Variants in KDM4B observed in about 807,000 individuals in gnomAD.
KDM4B encodes the protein lysine demethylase 4B.
A neutral mutation model predicts 125.2 loss-of-function variants in KDM4B; 32 were observed. The observed-to-expected ratio is 0.26, with a 90% CI of 0.19 to 0.34. The LOEUF is 0.34. KDM4B is among the 10% of genes least tolerant of loss of function. The probability of loss-of-function intolerance (pLI) is 1.00; values close to 1 mark genes in which losing one functional copy is unlikely to be tolerated. For synonymous variants in KDM4B, 721 were observed against 677.9 expected, an observed-to-expected ratio of 1.06 and a Z score of -0.99; for missense variants, 1,190 against 1,577.7, an observed-to-expected ratio of 0.75 and a Z score of 4.16.
Position 5,138,002 on chromosome 19 carries a change from C to T in KDM4B, c.2482C>T (p.Arg828Cys), listed in dbSNP as rs752309644. The T allele has an allele frequency of 2.9e-5, 47 of 1,612,632 alleles. No individual in the cohort carries two copies. The highest frequency in any genetic ancestry group is 1.6e-4 in the Middle Eastern group (1 of 6,082). ...CTGTGCCATCGCAGTCCCCGAGGCG[C>T]GCTTCCTGAACGTGATTGAGCGCCA... ...VICAIAVPEA[R>C]FLNVIERHPV... The change falls in exon 18 of 23, where the codon CGC becomes TGC. Residue 828 changes from arginine (R) to cysteine (C), a missense_variant. Physicochemically the swap from Arg to Cys is radical, Grantham distance 180 (BLOSUM62 -3). This residue lies in a region of KDM4B where 298 missense variants were observed against 439.7 expected (regional missense o/e 0.68). Transcript: ENST00000159111.
At chr19:5,133,122 A>T (rs1383301659) in intron 13 of KDM4B, among the ~76,000 whole-genome samples, 3 of 152,106 alleles carry the variant, frequency 2.0e-5, no homozygotes, top group Non-Finnish European at 4.4e-5. Context: ...CTTCCTGGGG[A>T]CAGCACCCCT....
At chr19:5,149,982 G>A (rs993885446) in intron 21 of KDM4B, among the ~76,000 whole-genome samples, 2 of 152,184 alleles carry the variant, frequency 1.3e-5, no homozygotes, top group African/African-American at 4.8e-5. Flanking sequence ...TGCGCCTCCT[G>A]CCTGGCTCTG....
Position 5,151,527 on chromosome 19 carries a change from A to T in KDM4B, c.*16A>T. ...CCCCTTCTAGGACAGCTGGCCGCTCAGGCGACCCTCAGCCCGGCGGGGAGG... is the reference window on the plus strand; with the variant it reads ...CCCCTTCTAGGACAGCTGGCCGCTCTGGCGACCCTCAGCCCGGCGGGGAGG... On this transcript the variant is annotated 3_prime_UTR_variant, in exon 23 of 23. Coordinates refer to ENST00000159111, the MANE Select transcript of KDM4B (RefSeq NM_015015.3). The T allele has an allele frequency of 7.4e-7, 1 of 1,348,230 alleles. No individual in the cohort carries two copies. Among genetic ancestry groups the T allele is most frequent in the Non-Finnish European group, 9.6e-7 (1 of 1,045,156 alleles). 83.5% of individuals were successfully genotyped at this position (1,348,230 alleles called of 1,614,324 possible).
At chr19:5,011,418 C>T (rs984734779) in intron 1 of KDM4B, among the ~76,000 whole-genome samples, 2 of 152,220 alleles carry the variant, frequency 1.3e-5, no homozygotes, top group East Asian at 1.9e-4. Flanking sequence ...GGTGCCAGAG[C>T]GTTCATGTCG....
At chr19:5,111,291 G>A (rs1346071403) in intron 10 of KDM4B, 3 of 709,636 alleles carry the variant, frequency 4.2e-6, no homozygotes, top group Non-Finnish European at 7.8e-6. Context: ...GGCATCAGGT[G>A]GGGCTGCTTG....
intron 2 of KDM4B, among the ~76,000 whole-genome samples, chr19:5,024,857 A>G (rs1206052302): frequency 6.6e-6 from 1 of 152,200 alleles, no homozygotes; most frequent in Admixed American, 6.5e-5. Context: ...CTCAAGCAGG[A>G]GAATTGCTTG....
At position 5,081,022 on chromosome 19, in the gene KDM4B, G is replaced by A. The variant is rs909420224; in HGVS notation, c.781-1345G>A. 6 of 152,250 alleles carry A rather than the reference G, an allele frequency of 3.9e-5. No individual in the cohort carries two copies. Among genetic ancestry groups the A allele is most frequent in the Non-Finnish European group, 8.8e-5 (6 of 68,062 alleles). 9.4% of individuals were successfully genotyped at this position (152,250 alleles called of 1,614,324 possible). A position where few individuals can be genotyped will look rare whatever the true frequency, so the allele number is the denominator to read the frequency against. ...GTCTGTGGTGACTGAGAGCGCGTGC[G>A]TGGTTCGGTGGGGATGGCCTGGTAG... On this transcript the variant is annotated intron_variant, in intron 8 of 22. Transcript: ENST00000159111. This position sits in a 1 kb window ranked among gnomAD's most constrained non-coding sequence, Gnocchi z 4.2.
At chr19:4,992,398 GT>G (rs1174137906) in intron 1 of KDM4B, among the ~76,000 whole-genome samples, 4 of 151,946 alleles carry the variant, frequency 2.6e-5, no homozygotes, top group African/African-American at 7.3e-5. Flanking sequence ...TTTAAAAACT[GT>G]ATAGGCAATT....
intron 10 of KDM4B, chr19:5,119,021 C>G (rs1270487146): frequency 1.4e-6 from 1 of 697,652 alleles, no homozygotes; most frequent in East Asian, 2.7e-5. Flanking sequence ...GAGAGAGGAC[C>G]CAGGGAGTTG....
chr19:5,012,990 A>T (rs1374139767), intron 1 of KDM4B, among the ~76,000 whole-genome samples: 1 of 152,182 alleles, frequency 6.6e-6, no homozygotes, highest in East Asian at 1.9e-4. Context: ...TCTATTGCGG[A>T]TGGGGACCAG....
At chr19:5,090,405 T>TCCC (rs1383295261) in intron 9 of KDM4B, among the ~76,000 whole-genome samples, 1 of 22,464 alleles carries the variant, frequency 4.5e-5, no homozygotes, top group African/African-American at 2.9e-4. Context: ...TCTCTCTCTC[T>TCCC]CTCCCCCTCT....
chr19:5,122,178 T>C (rs1041424331), intron 11 of KDM4B, among the ~76,000 whole-genome samples: 7 of 152,160 alleles, frequency 4.6e-5, no homozygotes, highest in Non-Finnish European at 1.0e-4. Context: ...AGAACCTGTT[T>C]CCTGCCTGTC....
chr19:4,989,841 T>G (rs1364710583), intron 1 of KDM4B, among the ~76,000 whole-genome samples: 5 of 152,024 alleles, frequency 3.3e-5, no homozygotes, highest in African/African-American at 2.4e-5. Context: ...TTAGTAGAGA[T>G]AGGGTTTCAC....
At chr19:5,148,124 C>T (rs904754802) in intron 21 of KDM4B, among the ~76,000 whole-genome samples, 9 of 152,222 alleles carry the variant, frequency 5.9e-5, no homozygotes, top group Non-Finnish European at 1.3e-4. Context: ...TGAGACGTGC[C>T]GGGCAAGACG....
At position 5,052,428 on chromosome 19, in the gene KDM4B, C is replaced by T. The variant is rs573416946; in HGVS notation, c.626+4759C>T. On this transcript the variant is annotated intron_variant, in intron 6 of 22. Transcript: ENST00000159111. ...CAGGGGACCAGCCCGGGCTTCCTGC[C>T]CTGTGGCCGCAGGTGGGTGGAAGGC... Among the ~76,000 whole-genome samples the T allele has an allele frequency of 4.0e-3, 611 of 152,160 alleles. 3 individuals are homozygous for T. Among genetic ancestry groups the T allele is most frequent in the African/African-American group, 0.014 (578 of 41,514 alleles).
At chr19:5,040,443 T>C (rs2145662704) in intron 4 of KDM4B, among the ~76,000 whole-genome samples, 1 of 152,046 alleles carries the variant, frequency 6.6e-6, no homozygotes, top group East Asian at 1.9e-4. Context: ...CGCACGTCCA[T>C]ACACAGGCAC....
At chr19:5,118,525 A>G (rs2039299684) in intron 10 of KDM4B, among the ~76,000 whole-genome samples, 1 of 152,124 alleles carries the variant, frequency 6.6e-6, no homozygotes, top group Non-Finnish European at 1.5e-5. Flanking sequence ...CAGGGGAGGC[A>G]CTAGTGACCA....
chr19:5,039,770 C>T, intron 3 of KDM4B, 66 bp from the exon 4 acceptor site: 4 of 1,550,348 alleles, frequency 2.6e-6, no homozygotes, highest in Admixed American at 3.5e-5. Flanking sequence ...GCCGGTGGCA[C>T]AGTCTGCTCT....
chr19:5,088,594 G>A (rs867907647), intron 9 of KDM4B, among the ~76,000 whole-genome samples: 8 of 151,940 alleles, frequency 5.3e-5, no homozygotes, highest in Non-Finnish European at 1.0e-4. Context: ...TGTGGGCCAG[G>A]GCTGAGCAGA....
Sources: gnomAD v4.1 joint callset for allele counts (sites outside exome capture counted in the v4.1 genomes callset) on GRCh38, gnomAD v4.1.1 for gene constraint, gnomAD v4.1.1 regional missense constraint, Gnocchi (gnomAD v3.1) non-coding constraint, MANE v1.5 for transcripts, NCBI Gene and HGNC (gene_info 2026-07-23, HGNC 2026-07-21) for gene names.